Variants in RPL26 observed in about 807,000 individuals in gnomAD.
RPL26 encodes the protein large ribosomal subunit protein uL24.
Under a neutral mutation model 16.2 loss-of-function variants are expected in RPL26, and 1 was observed. That is an observed-to-expected ratio of 0.06 (90% CI 0.02 to 0.29). RPL26 has a LOEUF of 0.29. Among genes scored for constraint, RPL26 ranks in the 10% least tolerant of loss-of-function variants. The probability of loss-of-function intolerance (pLI) is 1.00; values close to 1 mark genes in which losing one functional copy is unlikely to be tolerated. For synonymous variants in RPL26, 55 were observed against 62.4 expected, an observed-to-expected ratio of 0.88 and a Z score of 0.56; for missense variants, 102 against 184.3, an observed-to-expected ratio of 0.55 and a Z score of 2.58.
chr17:8,382,771 C>T (rs1001753398), intron 1 of RPL26: 10 of 351,384 alleles, frequency 2.8e-5, no homozygotes, highest in Non-Finnish European at 5.1e-5. Context: ...TAAGGCCCAC[C>T]AACCCGAACC....
At chr17:8,379,713 T>A (rs2151673518) in intron 3 of RPL26, 83 bp downstream of exon 3, 2 of 1,311,416 alleles carry the variant, frequency 1.5e-6, no homozygotes, top group Non-Finnish European at 2.1e-6. Flanking sequence ...CAAGGACTAT[T>A]TCTATGGCCT....
intron 3 of RPL26, 112 bp from the exon 4 acceptor site, chr17:8,377,804 TAAGAA>T (rs1327607248): frequency 7.7e-6 from 7 of 915,020 alleles, no homozygotes; most frequent in African/African-American, 3.3e-5. Flanking sequence ...GGATGCCTAA[TAAGAA>T]AAGATTTTAA....
At chr17:8,377,757 C>G in intron 3 of RPL26, 65 bp from the exon 4 acceptor site, 1 of 1,477,544 alleles carries the variant, frequency 6.8e-7, no homozygotes, top group Non-Finnish European at 9.1e-7. Flanking sequence ...AAGGGAAAGC[C>G]CAACATTCAA....
intron 3 of RPL26, among the ~76,000 whole-genome samples, chr17:8,378,259 G>GC (rs563868121): frequency 6.6e-6 from 1 of 152,102 alleles, no homozygotes; most frequent in African/African-American, 2.4e-5. Context: ...GGAACCCTGG[G>GC]GGGGCGGAGG....
intron 1 of RPL26, 184 bp downstream of exon 1, chr17:8,382,973 C>CTCCA (rs1235743319): frequency 2.5e-6 from 1 of 398,478 alleles, no homozygotes; most frequent in Non-Finnish European, 4.4e-6. Flanking sequence ...TCCCCGGTCC[C>CTCCA]TCCATCCATC....
At chr17:8,378,815 G>A (rs1303432299) in intron 3 of RPL26, among the ~76,000 whole-genome samples, 2 of 152,218 alleles carry the variant, frequency 1.3e-5, no homozygotes, top group Non-Finnish European at 2.9e-5. Flanking sequence ...ACATCACTTT[G>A]ATAGAGTAAG....
At position 8,378,446 on chromosome 17, in the gene RPL26, G is replaced by A. The variant is rs774253931; in HGVS notation, c.310-754C>T. Among the ~76,000 whole-genome samples, 37 of 152,078 alleles carry A rather than the reference G, an allele frequency of 2.4e-4. 1 individual carries two copies. The highest frequency in any genetic ancestry group is 6.2e-4 in the South Asian group (3 of 4,820). On this transcript the variant is annotated intron_variant, in intron 3 of 3. Coordinates refer to ENST00000648839, the MANE Select transcript of RPL26 (RefSeq NM_000987.5). ...GCAGAGGTTGCAGTGAGCTGAGATC[G>A]CACCATTGCACTTCCAGGCTGGGCG...
intron 1 of RPL26, chr17:8,382,592 C>CT (rs1907474594): frequency 7.8e-6 from 3 of 386,632 alleles, no homozygotes; most frequent in African/African-American, 2.1e-5. Context: ...TAGTTACACT[C>CT]TCCCAACTCC....
intron 2 of RPL26, chr17:8,381,890 C>CT (rs1417831383): frequency 3.0e-6 from 1 of 338,458 alleles, no homozygotes; most frequent in Non-Finnish European, 5.4e-6. Context: ...GATGGCACCA[C>CT]TGCACTCCAG....
intron 3 of RPL26, 95 bp from the exon 4 acceptor site, chr17:8,377,787 G>T: frequency 8.6e-7 from 1 of 1,167,176 alleles, no homozygotes; most frequent in South Asian, 1.8e-5. Context: ...CCAAACCTGG[G>T]GTAGGTGGAT....
rs370527310 is a variant in RPL26, at chr17:8,382,338, T to A, written c.-5-23A>T. 1.9e-6 allele frequency: 3 copies of A among 1,577,778 alleles called. No individual in the cohort carries two copies. The African/African-American group carries it at 4.1e-5, about 21-fold the overall frequency. ...TGGCTAAATAAAAAGTTAAAAAGAC[T>A]CTTAAATGACCAAAATCTCATCCAG... On this transcript the variant is annotated intron_variant, in intron 1 of 3. Coordinates refer to ENST00000648839, the MANE Select transcript of RPL26 (RefSeq NM_000987.5).
intron 3 of RPL26, chr17:8,379,502 A>C: frequency 2.0e-6 from 1 of 506,826 alleles, no homozygotes. Context: ...TGCACTTGGG[A>C]GGTGGAGGCT....
chr17:8,378,837 G>A (rs1354757874), intron 3 of RPL26, among the ~76,000 whole-genome samples: 3 of 152,172 alleles, frequency 2.0e-5, no homozygotes, highest in Non-Finnish European at 1.5e-5. Flanking sequence ...AGGCAAGTGT[G>A]AGGAGGCCGA....
chr17:8,378,587 A>G (rs1333841870), intron 3 of RPL26, among the ~76,000 whole-genome samples: 2 of 152,218 alleles, frequency 1.3e-5, no homozygotes, highest in African/African-American at 2.4e-5. Context: ...ACATAATTCC[A>G]CCTGCAAAAT....
chr17:8,382,475 C>A (rs1907468539), intron 1 of RPL26, 160 bp from the exon 2 acceptor site: 2 of 576,342 alleles, frequency 3.5e-6, no homozygotes, highest in Admixed American at 3.4e-5. Flanking sequence ...GCCTATCAAC[C>A]GAAGCTCGAA....
chr17:8,381,875 G>A (rs1013877869), intron 2 of RPL26: 3 of 308,758 alleles, frequency 9.7e-6, no homozygotes, highest in South Asian at 9.1e-5. Flanking sequence ...GTTGCAGTGA[G>A]CTGAGATGGC....
At chr17:8,382,797 A>G (rs1907486549) in intron 1 of RPL26, 1 of 374,020 alleles carries the variant, frequency 2.7e-6, no homozygotes, top group Admixed American at 4.6e-5. Flanking sequence ...AAGCCTGCAC[A>G]CGTCTCGGGT....
chr17:8,380,153 A>G, intron 2 of RPL26: 1 of 533,472 alleles, frequency 1.9e-6, no homozygotes. Context: ...TGAACCCATT[A>G]ATGTGTGCAA....
chr17:8,382,972 C>A, intron 1 of RPL26, 185 bp downstream of exon 1: 1 of 398,524 alleles, frequency 2.5e-6, no homozygotes, highest in Non-Finnish European at 4.4e-6. Context: ...ATCCCCGGTC[C>A]CTCCATCCAT....
Sources: allele counts gnomAD v4.1 joint callset (sites outside exome capture counted in the v4.1 genomes callset), GRCh38; gene constraint gnomAD v4.1.1; transcripts MANE v1.5; gene names NCBI Gene and HGNC (gene_info 2026-07-23, HGNC 2026-07-21).